The following IQSEC1 variants were observed in gnomAD, a reference collection of about 807,000 sequenced individuals.
IQSEC1 encodes the protein IQ motif and SEC7 domain-containing protein 1.
IQSEC1 carries 31 observed loss-of-function variants against 91.0 expected under a neutral mutation model. The observed-to-expected ratio is 0.34, with a 90% CI of 0.26 to 0.46. The LOEUF (loss-of-function observed/expected upper bound fraction) is 0.46, where lower values mean the gene tolerates loss of function less well. IQSEC1 is among the 20% of genes least tolerant of loss of function. The pLI is 1.00. For synonymous variants in IQSEC1, 699 were observed against 662.6 expected (o/e 1.05, Z -0.84); for missense variants, 1,388 against 1,575.6 (o/e 0.88, Z 2.02).
At chr3:13,037,370 G>C (rs560049995) in intron 1 of IQSEC1, among the ~76,000 whole-genome samples, 198 of 152,098 alleles carry the variant, frequency 1.3e-3, no homozygotes, top group Non-Finnish European at 2.4e-3. Context: ...CTGTAATGTC[G>C]AAAAATGGGA....
At position 12,983,453 on chromosome 3, in the gene IQSEC1, G is replaced by A. The variant is rs796125283; in HGVS notation, c.24-41588C>T. 6.6e-6 allele frequency among the ~76,000 whole-genome samples: 1 copy of A among 152,306 alleles called. No homozygotes were observed. Among genetic ancestry groups the A allele is most frequent in the African/African-American group, 2.4e-5 (1 of 41,558 alleles). On this transcript the variant is annotated intron_variant, in intron 1 of 13. Transcript: ENST00000613206. This position sits in a 1 kb window ranked among gnomAD's most constrained non-coding sequence, Gnocchi z 4.3. ...AATCCCCAGCCCCACCTCTCACTGG[G>A]TTGGTCTTGGCAGGTCCAGCCCACC...
At chr3:13,117,468 G>C (rs1706354447) in intron 2 of IQSEC1, among the ~76,000 whole-genome samples, 1 of 148,452 alleles carries the variant, frequency 6.7e-6, no homozygotes, top group African/African-American at 2.5e-5. Context: ...CTACCAGGGA[G>C]CCTGAGGCAG....
At chr3:13,145,024 G>A (rs1234167613) in intron 2 of IQSEC1, among the ~76,000 whole-genome samples, 3 of 152,214 alleles carry the variant, frequency 2.0e-5, no homozygotes, top group Non-Finnish European at 4.4e-5. Context: ...CAAAACAGAT[G>A]GGCAGGAAGG....
intron 13 of IQSEC1, 48 bp from the exon 14 acceptor site, chr3:12,901,570 T>A: frequency 6.9e-7 from 1 of 1,454,058 alleles, no homozygotes; most frequent in Non-Finnish European, 9.3e-7. Context: ...CTTCAAGCAC[T>A]TAGGTCAGAA....
At chr3:13,062,560 C>G (rs1705100644) in intron 1 of IQSEC1, among the ~76,000 whole-genome samples, 1 of 152,072 alleles carries the variant, frequency 6.6e-6, no homozygotes, top group South Asian at 2.1e-4. Flanking sequence ...AGATCTTGGA[C>G]CCCACATCTG....
chr3:13,033,494 G>A (rs988693908), intron 1 of IQSEC1, among the ~76,000 whole-genome samples: 1 of 152,014 alleles, frequency 6.6e-6, no homozygotes, highest in African/African-American at 2.4e-5. Flanking sequence ...GAGAAACAGA[G>A]CCAATAGGAG....
chr3:13,106,780 G>A lies in IQSEC1; in HGVS notation c.302+57324C>T, dbSNP rs118125639. The stretch of plus-strand genomic sequence containing the variant: ...ACATGCTTATAAAGTGAGCAACTGA[G>A]CAAACATCCTGGGTGGACGATTGTT... On this transcript the variant is annotated intron_variant, in intron 2 of 15. Transcript: ENST00000648114. 2.0e-5 allele frequency among the ~76,000 whole-genome samples: 3 copies of A among 152,342 alleles called. No individual in the cohort carries two copies. In the East Asian group the frequency reaches 5.8e-4, roughly 29 times the overall value.
chr3:13,059,289 C>T (rs1368013259), intron 1 of IQSEC1, among the ~76,000 whole-genome samples: 1 of 151,432 alleles, frequency 6.6e-6, no homozygotes, highest in Non-Finnish European at 1.5e-5. Flanking sequence ...CTATGGTCTA[C>T]TATGCCTTTG....
Position 13,223,077 on chromosome 3 carries a change from C to G in IQSEC1, c.273-58944G>C, listed in dbSNP as rs187804429. ...GAAGGCTCTGCCATCGAGGTTTGGG[C>G]AGGGTTGGGGGAGGTGTGACCCATC... On this transcript the variant is annotated intron_variant, in intron 1 of 15. Transcript: ENST00000648114. Among the ~76,000 whole-genome samples, 3 of 152,344 alleles carry G rather than the reference C, an allele frequency of 2.0e-5. No individual in the cohort carries two copies. In the East Asian group the frequency reaches 5.8e-4, roughly 29 times the overall value.
intron 1 of IQSEC1, among the ~76,000 whole-genome samples, chr3:13,003,433 A>G (rs1341386490): frequency 1.3e-5 from 2 of 152,230 alleles, no homozygotes; most frequent in African/African-American, 4.8e-5. Flanking sequence ...TCAGAAAGAC[A>G]TATCTACAGA....
chr3:13,171,687 CT>C (rs1693618194), intron 1 of IQSEC1, among the ~76,000 whole-genome samples: 1 of 152,224 alleles, frequency 6.6e-6, no homozygotes, highest in Non-Finnish European at 1.5e-5. Context: ...CAAACAACAT[CT>C]ATAGAGACCC....
chr3:12,948,101 T>C (rs1358029891), intron 1 of IQSEC1, among the ~76,000 whole-genome samples: 1 of 152,288 alleles, frequency 6.6e-6, no homozygotes, highest in East Asian at 1.9e-4. Context: ...ATTAATGCTG[T>C]GCCTCAGGTT....
chr3:13,259,959 A>T lies in IQSEC1; in HGVS notation c.272+22752T>A, dbSNP rs534142873. Among the ~76,000 whole-genome samples, 1 of 152,386 alleles carries T rather than the reference A, an allele frequency of 6.6e-6. No homozygotes were observed. Among genetic ancestry groups the T allele is most frequent in the South Asian group, 2.1e-4 (1 of 4,828 alleles). ...CTGCTTTCAAAATATGACTAATTAGAACAGTCGTGCTGGCAGGCAGACTTC... is the reference window on the plus strand; with the variant it reads ...CTGCTTTCAAAATATGACTAATTAGTACAGTCGTGCTGGCAGGCAGACTTC... On this transcript the variant is annotated intron_variant, in intron 1 of 15. Transcript: ENST00000648114. The surrounding 1 kb of genome is among the most constrained non-coding windows in gnomAD (Gnocchi z 4.6).
intron 2 of IQSEC1, among the ~76,000 whole-genome samples, chr3:12,939,054 C>T (rs1035885828): frequency 6.6e-6 from 1 of 152,204 alleles, no homozygotes; most frequent in Non-Finnish European, 1.5e-5. Context: ...AACATGTGCT[C>T]ATCTACTATG....
At chr3:12,971,316 G>A (rs17774704) in intron 1 of IQSEC1, among the ~76,000 whole-genome samples, 19,114 of 152,244 alleles carry the variant, frequency 0.13, 1,273 homozygotes, top group South Asian at 0.18. Context: ...ATCCTCAGAT[G>A]AGATGGCCAC....
chr3:13,075,761 G>A (rs896501784), upstream of IQSEC1, among the ~76,000 whole-genome samples: 1 of 152,166 alleles, frequency 6.6e-6, no homozygotes, highest in African/African-American at 2.4e-5. Flanking sequence ...CACTGGCGCG[G>A]TTTTGATTTC....
At chr3:12,950,646 A>ATT (rs35512437) in intron 1 of IQSEC1, among the ~76,000 whole-genome samples, 96 of 146,026 alleles carry the variant, frequency 6.6e-4, no homozygotes, top group East Asian at 2.4e-3. Flanking sequence ...ATCTCTACAA[A>ATT]TTTTTTTTTT....
intron 1 of IQSEC1, among the ~76,000 whole-genome samples, chr3:13,261,605 C>T (rs756887423): frequency 1.2e-4 from 19 of 152,072 alleles, no homozygotes; most frequent in Non-Finnish European, 2.1e-4. Context: ...CCCCCACCCC[C>T]GTCATCACAT....
intron 13 of IQSEC1, among the ~76,000 whole-genome samples, chr3:12,902,331 G>A (rs1374221500): frequency 6.6e-6 from 1 of 152,074 alleles, no homozygotes; most frequent in Non-Finnish European, 1.5e-5. Flanking sequence ...GATGAGGATG[G>A]GCGGGCGTGG....
Sources: gnomAD v4.1 joint callset for allele counts (sites outside exome capture counted in the v4.1 genomes callset) on GRCh38, gnomAD v4.1.1 for gene constraint, Gnocchi (gnomAD v3.1) non-coding constraint, MANE v1.5 for transcripts, NCBI Gene and HGNC (gene_info 2026-07-23, HGNC 2026-07-21) for gene names.